The following TNR variants were observed in gnomAD, a reference collection of about 807,000 sequenced individuals.
The protein encoded by TNR is tenascin R, also known as tenascin-R.
Under a neutral mutation model 150.4 loss-of-function variants are expected in TNR, and 45 were observed. That is an observed-to-expected ratio of 0.30 (90% CI 0.24 to 0.38). TNR has a LOEUF of 0.38. TNR is among the 10% of genes least tolerant of loss of function. TNR has a pLI of 1.00. For missense variants in TNR, 1,544 were observed against 1,759.1 expected, an observed-to-expected ratio of 0.88 and a Z score of 2.19; for synonymous variants, 687 against 678.4, an observed-to-expected ratio of 1.01 and a Z score of -0.20.
intron 1 of TNR, among the ~76,000 whole-genome samples, chr1:175,675,237 C>G (rs181323008): frequency 7.2e-5 from 11 of 152,166 alleles, no homozygotes; most frequent in Non-Finnish European, 1.6e-4. Flanking sequence ...CCTGAATGAA[C>G]GGGCTTTGTG....
chr1:175,340,037 G>A (rs1650445224), intron 18 of TNR, among the ~76,000 whole-genome samples: 2 of 152,228 alleles, frequency 1.3e-5, no homozygotes, highest in Non-Finnish European at 2.9e-5. Context: ...TACCTGAATG[G>A]CTATCATATA....
At chr1:175,547,164 C>T (rs143068940) in intron 1 of TNR, among the ~76,000 whole-genome samples, 43 of 152,324 alleles carry the variant, frequency 2.8e-4, no homozygotes, top group Admixed American at 6.5e-4. Flanking sequence ...TGCAAGCCTG[C>T]GTAGCAGATT....
chr1:175,392,937 GA>G, intron 6 of TNR, among the ~76,000 whole-genome samples: 1 of 152,312 alleles, frequency 6.6e-6, no homozygotes, highest in East Asian at 1.9e-4. Context: ...AAAGAATGGT[GA>G]AATCATGGTC....
chr1:175,454,557 C>T (rs1656476905), intron 2 of TNR, among the ~76,000 whole-genome samples: 1 of 151,882 alleles, frequency 6.6e-6, no homozygotes, highest in African/African-American at 2.4e-5. Context: ...TGCAACCTCC[C>T]CTCTCCTGGG....
At chr1:175,546,123 A>G (rs1374451844) in intron 1 of TNR, among the ~76,000 whole-genome samples, 1 of 152,216 alleles carries the variant, frequency 6.6e-6, no homozygotes, top group Non-Finnish European at 1.5e-5. Context: ...GCGAAAAATT[A>G]GATTACAAGG....
chr1:175,480,570 T>C (rs1657758983), intron 2 of TNR, among the ~76,000 whole-genome samples: 1 of 152,246 alleles, frequency 6.6e-6, no homozygotes, highest in African/African-American at 2.4e-5. Flanking sequence ...ACTTGACTCA[T>C]GTTTACTGAC....
In TNR at chr1:175,379,603, C is replaced by T. The variant is rs947362155; in HGVS notation, c.1912G>A (p.Glu638Lys). The change falls in exon 9 of 23, where the codon GAG becomes AAG. Residue 638 changes from glutamate to lysine, a missense_variant. Physicochemically the swap from Glu to Lys is moderately conservative, Grantham distance 56. Coordinates refer to ENST00000367674, the MANE Select transcript of TNR (RefSeq NM_003285.3). ...CCAATGCCCCTGGGGACCAGTACCT[C>T]ATGATATTGCTCACCCGCCAGGGTG... ...YSTLAGEQYHEVLVPRGIGPT... is the reference protein window; with the variant it reads ...YSTLAGEQYHKVLVPRGIGPT... 6.2e-7 allele frequency: 1 copy of T among 1,613,986 alleles called. No homozygotes were observed. The highest frequency in any genetic ancestry group is 8.5e-7 in the Non-Finnish European group (1 of 1,180,030).
intron 5 of TNR, among the ~76,000 whole-genome samples, chr1:175,394,859 C>A (rs1653350527): frequency 6.6e-6 from 1 of 152,132 alleles, no homozygotes; most frequent in Admixed American, 6.5e-5. Flanking sequence ...CCTGAATTGG[C>A]ATAATAAATG....
chr1:175,529,187 AC>A (rs1413457336), intron 1 of TNR, among the ~76,000 whole-genome samples: 5 of 152,120 alleles, frequency 3.3e-5, no homozygotes, highest in Admixed American at 2.6e-4. Flanking sequence ...CTTCTCACAA[AC>A]CCTGCTAAGC....
chr1:175,400,710 T>C (rs576217401), intron 4 of TNR, among the ~76,000 whole-genome samples: 35 of 152,244 alleles, frequency 2.3e-4, no homozygotes, highest in African/African-American at 7.9e-4. Context: ...CTCTCAGTGT[T>C]TTCACCTTCC....
At chr1:175,447,055 A>T (rs543146695) in intron 2 of TNR, among the ~76,000 whole-genome samples, 13 of 152,266 alleles carry the variant, frequency 8.5e-5, no homozygotes, top group Non-Finnish European at 1.8e-4. Context: ...GTTTGCGTGT[A>T]TGTGCATGTG....
At chr1:175,551,672 A>G (rs1247093108) in intron 1 of TNR, among the ~76,000 whole-genome samples, 1 of 152,258 alleles carries the variant, frequency 6.6e-6, no homozygotes, top group Non-Finnish European at 1.5e-5. Context: ...AGAACAAAGA[A>G]AAATGAGAAG....
chr1:175,523,633 C>T (rs1557985384), intron 2 of TNR, among the ~76,000 whole-genome samples: 1 of 152,066 alleles, frequency 6.6e-6, no homozygotes, highest in Non-Finnish European at 1.5e-5. Flanking sequence ...TGTTAGAATC[C>T]CCTCTTCTCC....
intron 4 of TNR, 28 bp downstream of exon 4, chr1:175,403,112 A>C: frequency 3.9e-5 from 62 of 1,578,234 alleles, no homozygotes; most frequent in Non-Finnish European, 4.6e-5. Flanking sequence ...CACCCTTGCC[A>C]AACACCCCAG....
chr1:175,468,761 G>C (rs1657145493), intron 2 of TNR, among the ~76,000 whole-genome samples: 1 of 152,182 alleles, frequency 6.6e-6, no homozygotes, highest in African/African-American at 2.4e-5. Context: ...GCTTCAGTGT[G>C]GCTGGAGCCT....
At chr1:175,518,233 A>C (rs1369734595) in intron 2 of TNR, among the ~76,000 whole-genome samples, 1 of 152,218 alleles carries the variant, frequency 6.6e-6, no homozygotes, top group African/African-American at 2.4e-5. Flanking sequence ...TGCTTCTGCT[A>C]GGTCTGTTCA....
At chr1:175,676,932 G>A (rs558739500) in intron 1 of TNR, among the ~76,000 whole-genome samples, 3 of 152,208 alleles carry the variant, frequency 2.0e-5, no homozygotes, top group South Asian at 2.1e-4. Flanking sequence ...GACACTGGGA[G>A]GAGGCAAGCA....
intron 2 of TNR, among the ~76,000 whole-genome samples, chr1:175,471,034 T>C (rs1277646415): frequency 6.6e-6 from 1 of 152,196 alleles, no homozygotes; most frequent in Non-Finnish European, 1.5e-5. Flanking sequence ...AAGAAGTCAG[T>C]TTGTGTTGCT....
chr1:175,414,500 G>T (rs1382673888), intron 2 of TNR, among the ~76,000 whole-genome samples: 3 of 152,208 alleles, frequency 2.0e-5, no homozygotes, highest in Non-Finnish European at 4.4e-5. Context: ...TCGATAGATT[G>T]ATACTCAAGA....
Sources: gnomAD v4.1 joint callset for allele counts (sites outside exome capture counted in the v4.1 genomes callset) on GRCh38, gnomAD v4.1.1 for gene constraint, MANE v1.5 for transcripts, NCBI Gene and HGNC (gene_info 2026-07-23, HGNC 2026-07-21) for gene names.